Variants in MAD1L1 observed in about 807,000 individuals in gnomAD.
The protein encoded by MAD1L1 is mitotic arrest deficient 1 like 1.
MAD1L1 carries 95 observed loss-of-function variants against 96.9 expected under a neutral mutation model. That is an observed-to-expected ratio of 0.98 (90% confidence interval 0.83 to 1.16). The LOEUF (loss-of-function observed/expected upper bound fraction) is 1.16, where lower values mean the gene tolerates loss of function less well. Ranked by LOEUF, MAD1L1 falls within the 50% of genes most tolerant of loss-of-function variation. The pLI is 0.00. For synonymous variants in MAD1L1, 473 were observed against 396.6 expected, an observed-to-expected ratio of 1.19 and a Z score of -2.29; for missense variants, 1,007 against 954.4, an observed-to-expected ratio of 1.06 and a Z score of -0.73.
chr7:2,047,846 C>T (rs1562636583), intron 12 of MAD1L1, among the ~76,000 whole-genome samples: 1 of 152,236 alleles, frequency 6.6e-6, no homozygotes, highest in Non-Finnish European at 1.5e-5. Context: ...GACACATGCA[C>T]AATCACACAC....
At chr7:2,014,872 C>T (rs78000047) in intron 12 of MAD1L1, among the ~76,000 whole-genome samples, 101 of 152,366 alleles carry the variant, frequency 6.6e-4, no homozygotes, top group African/African-American at 1.0e-3. Context: ...CCTCGGCACC[C>T]GCTCTGACCA....
At chr7:1,903,480 C>A (rs28597705) in intron 17 of MAD1L1, among the ~76,000 whole-genome samples, 1 of 140,368 alleles carries the variant, frequency 7.1e-6, no homozygotes, top group South Asian at 2.2e-4. Context: ...GACGCTCTTG[C>A]GGAACTCAAG....
chr7:2,095,082 G>A (rs34592519), intron 11 of MAD1L1, among the ~76,000 whole-genome samples: 3,601 of 151,680 alleles, frequency 0.024, 72 homozygotes, highest in Middle Eastern at 0.078. Flanking sequence ...TCGCTCTGTC[G>A]CCTAGGCTGG....
intron 18 of MAD1L1, among the ~76,000 whole-genome samples, chr7:1,832,199 G>T (rs1255756123): frequency 6.6e-6 from 1 of 152,100 alleles, no homozygotes; most frequent in Non-Finnish European, 1.5e-5. Context: ...GTTTGCAGAA[G>T]TTGGTTCCAA....
At position 1,968,857 on chromosome 7, in the gene MAD1L1, T is replaced by C. The variant is rs1279092639; in HGVS notation, c.1506-11138A>G. Among the ~76,000 whole-genome samples the C allele has an allele frequency of 6.6e-6, 1 of 152,152 alleles. No individual in the cohort carries two copies. The highest frequency in any genetic ancestry group is 1.5e-5 in the Non-Finnish European group (1 of 68,034). On this transcript the variant is annotated intron_variant, in intron 15 of 18. Coordinates refer to ENST00000265854, the MANE Select transcript of MAD1L1 (RefSeq NM_001013836.2). This position sits in a 1 kb window ranked among gnomAD's most constrained non-coding sequence, Gnocchi z 5.6. The stretch of plus-strand genomic sequence containing the variant: ...TGTCACCGACCAGCGGCAGAAGAGA[T>C]GTGACGACTAAAATCAACACGGTGC...
rs973047753 is a variant in MAD1L1 at position 1,933,594 on chromosome 7, A to T, written c.1807+3093T>A. Among the ~76,000 whole-genome samples, 11 of 152,202 alleles carry T rather than the reference A, an allele frequency of 7.2e-5. No individual in the cohort carries two copies. The South Asian group carries it at 2.3e-3, about 32-fold the overall frequency. ...CTAGCACAGACTGCCGGCCGCCCCCAGGCCTCTGGCTGAGCAAGTCTGAGA... is the reference window on the plus strand; with the variant it reads ...CTAGCACAGACTGCCGGCCGCCCCCTGGCCTCTGGCTGAGCAAGTCTGAGA... On this transcript the variant is annotated intron_variant, in intron 17 of 18. Coordinates refer to ENST00000265854, the MANE Select transcript of MAD1L1 (RefSeq NM_001013836.2).
chr7:1,945,033 A>C (rs1192894399), intron 16 of MAD1L1, among the ~76,000 whole-genome samples: 1 of 151,982 alleles, frequency 6.6e-6, no homozygotes. Flanking sequence ...GCCGTCGGCC[A>C]CTGGGAGAGA....
rs573675560 is a variant in MAD1L1, at chr7:1,944,598, T to C, written c.1597-7701A>G. The stretch of plus-strand genomic sequence containing the variant: ...GAAACTCTGGGGCTCCGTAAGGAAA[T>C]GTCCTTACTTGTATCCTGCTTGGGC... On this transcript the variant is annotated intron_variant, in intron 16 of 18. Transcript: ENST00000265854. Among the ~76,000 whole-genome samples the C allele has an allele frequency of 2.0e-5, 3 of 152,208 alleles. No homozygotes were observed. The South Asian group carries it at 6.2e-4, about 32-fold the overall frequency.
chr7:1,880,462 C>A (rs1785621701), intron 18 of MAD1L1, among the ~76,000 whole-genome samples: 1 of 152,228 alleles, frequency 6.6e-6, no homozygotes, highest in Non-Finnish European at 1.5e-5. Flanking sequence ...GGCCACTCGA[C>A]ACAGTGATGA....
chr7:1,887,339 G>A (rs1038985230), intron 18 of MAD1L1, among the ~76,000 whole-genome samples: 1 of 151,472 alleles, frequency 6.6e-6, no homozygotes, highest in African/African-American at 2.4e-5. Context: ...GTGGCTGCCT[G>A]TGTACGTGTG....
chr7:1,997,563 G>A (rs1339197151), intron 14 of MAD1L1, among the ~76,000 whole-genome samples: 1 of 152,282 alleles, frequency 6.6e-6, no homozygotes, highest in Admixed American at 6.5e-5. Flanking sequence ...AAAATGAAAA[G>A]GGAGTCAGGC....
chr7:2,015,008 G>A (rs1782473368), intron 12 of MAD1L1, among the ~76,000 whole-genome samples: 1 of 152,220 alleles, frequency 6.6e-6, no homozygotes, highest in African/African-American at 2.4e-5. Flanking sequence ...GCGCACAGTG[G>A]GCAGAAGCCC....
chr7:2,050,594 G>A (rs1002213770), intron 12 of MAD1L1, among the ~76,000 whole-genome samples: 2 of 152,182 alleles, frequency 1.3e-5, no homozygotes, highest in Admixed American at 1.3e-4. Context: ...TGAGGCCAGG[G>A]ACCTCTCCCA....
At chr7:2,221,813 T>C (rs1793623053) in intron 5 of MAD1L1, among the ~76,000 whole-genome samples, 1 of 152,046 alleles carries the variant, frequency 6.6e-6, no homozygotes, top group South Asian at 2.1e-4. Flanking sequence ...AAGACCACCA[T>C]CCACGACAGG....
intron 18 of MAD1L1, among the ~76,000 whole-genome samples, chr7:1,832,852 G>A (rs544747801): frequency 1.3e-5 from 2 of 152,132 alleles, no homozygotes; most frequent in East Asian, 1.9e-4. Context: ...GGCTGGTCTC[G>A]AACTACTGGC....
At chr7:2,192,667 G>A (rs569360219) in intron 10 of MAD1L1, among the ~76,000 whole-genome samples, 6 of 152,276 alleles carry the variant, frequency 3.9e-5, no homozygotes, top group East Asian at 3.9e-4. Flanking sequence ...AAGGAAGGGC[G>A]GGGAGAAGGG....
chr7:2,151,362 T>C (rs1180924506), intron 10 of MAD1L1, among the ~76,000 whole-genome samples: 1 of 152,204 alleles, frequency 6.6e-6, no homozygotes, highest in Admixed American at 6.5e-5. Flanking sequence ...AGGCTCCACC[T>C]ACACAGCCAA....
In MAD1L1 at chr7:2,142,418, C is replaced by T. The variant is rs1033940404; in HGVS notation, c.1073+6734G>A. ...GCGTCCCAGGCATGGTCCGGGGCTG[C>T]GGGAGAAACTCTTGGGACCAGCCCC... On this transcript the variant is annotated intron_variant, in intron 11 of 18. Coordinates refer to ENST00000265854, the MANE Select transcript of MAD1L1 (RefSeq NM_001013836.2). The surrounding 1 kb of genome is among the most constrained non-coding windows in gnomAD (Gnocchi z 4.7). Among the ~76,000 whole-genome samples the T allele has an allele frequency of 6.6e-6, 1 of 152,152 alleles. No individual in the cohort carries two copies. Among genetic ancestry groups the T allele is most frequent in the African/African-American group, 2.4e-5 (1 of 41,426 alleles).
intron 14 of MAD1L1, among the ~76,000 whole-genome samples, chr7:1,984,668 C>T (rs556953607): frequency 6.6e-6 from 1 of 152,352 alleles, no homozygotes; most frequent in South Asian, 2.1e-4. Context: ...ATAGCTCCTG[C>T]TTTCCAGGTT....
Sources: allele counts gnomAD v4.1 joint callset (sites outside exome capture counted in the v4.1 genomes callset), GRCh38; gene constraint gnomAD v4.1.1; non-coding constraint Gnocchi (gnomAD v3.1); transcripts MANE v1.5; gene names NCBI Gene and HGNC (gene_info 2026-07-23, HGNC 2026-07-21).